Variants in SLC4A1 observed in about 807,000 individuals in gnomAD.
SLC4A1 encodes the protein band 3 anion transport protein.
Under a neutral mutation model 93.1 loss-of-function variants are expected in SLC4A1, and 29 were observed. The observed-to-expected ratio is 0.31, with a 90% CI of 0.23 to 0.42. The LOEUF is 0.42. Ranked by LOEUF, SLC4A1 falls within the 20% of genes least tolerant of loss-of-function variation. The pLI, the probability that SLC4A1 is intolerant of heterozygous loss-of-function variation, is 1.00. For synonymous variants in SLC4A1, 469 were observed against 497.2 expected, an observed-to-expected ratio of 0.94 and a Z score of 0.76; for missense variants, 965 against 1,190.1, an observed-to-expected ratio of 0.81 and a Z score of 2.78.
At position 44,250,526 on chromosome 17, in the gene SLC4A1, C is replaced by T; in HGVS notation, c.2668G>A (p.Asp890Asn). ...NVELQCLDAD[D>N]AKATFDEEEG... ...TCCTCATCAAAGGTTGCCTTGGCAT[C>T]ATCAGCATCCAGCTGGAGGGGAGGG... Residue 890 changes from aspartate (D) to asparagine (N), a missense_variant, in exon 20 of 20, where the codon GAT becomes AAT. Asp to Asn is a conservative substitution (Grantham distance 23, BLOSUM62 1). This residue lies in a region of SLC4A1 where 770 missense variants were observed against 1,006.6 expected (regional missense o/e 0.76). Transcript: ENST00000262418. 1 of 1,613,784 alleles carries T rather than the reference C, an allele frequency of 6.2e-7. No individual in the cohort carries two copies. The highest frequency in any genetic ancestry group is 8.5e-7 in the Non-Finnish European group (1 of 1,179,852).
In SLC4A1 at chr17:44,255,257, T is replaced by C; in HGVS notation, c.1840A>G (p.Ile614Val). The C allele has an allele frequency of 2.6e-6, 4 of 1,554,802 alleles. No individual in the cohort carries two copies. Among genetic ancestry groups the C allele is most frequent in the Non-Finnish European group, 3.5e-6 (4 of 1,149,352 alleles). ...AAATCCACCAGGACCATGATCAGGA[T>C]GGAGATGGGGACCCCGAAGTCCCCG... ...VIGDFGVPISILIMVLVDFFI... is the reference protein window; with the variant it reads ...VIGDFGVPISVLIMVLVDFFI... Residue 614 changes from isoleucine (I) to valine (V), a missense_variant, in exon 15 of 20, where the codon ATC (isoleucine) becomes GTC (valine). Transcript: ENST00000262418.
chr17:44,267,276 G>A (rs769875367), intron 1 of SLC4A1, among the ~76,000 whole-genome samples: 4 of 152,126 alleles, frequency 2.6e-5, no homozygotes, highest in Non-Finnish European at 2.9e-5. Context: ...ATTTACTAAC[G>A]GCGTGTGACT....
intron 6 of SLC4A1, 23 bp downstream of exon 6, chr17:44,260,381 C>T (rs770561673): frequency 6.2e-7 from 1 of 1,605,456 alleles, no homozygotes; most frequent in Middle Eastern, 1.7e-4. Context: ...ATATGGAATC[C>T]AGGCCCTGGC....
rs199568981 is a variant in SLC4A1 at position 44,259,381 on chromosome 17, G to T, written c.695-37C>A. On this transcript the variant is annotated intron_variant, in intron 8 of 19. Transcript: ENST00000262418. ...TGAGAAGATCAGGCCAGGCCGAGGA[G>T]CCCAGGGTGGGTGTGCTGAAGAGAT... The T allele has an allele frequency of 6.4e-4, 1,038 of 1,611,902 alleles. 2 individuals carry two copies. Among genetic ancestry groups the T allele is most frequent in the Non-Finnish European group, 3.0e-4 (356 of 1,178,674 alleles).
chr17:44,255,210 G>T lies in SLC4A1; in HGVS notation c.1887C>A (p.Thr629=). ...LVDFFIQDTY[T]QKLSVPDGFK... ...GAGGGCTGGGAGGAGGGGTCACCTG[G>T]GTGTAGGTATCCTGAATGAAGAAAT... Residue 629 remains threonine, a synonymous_variant, in exon 15 of 20, where the codon ACC becomes ACA. Transcript: ENST00000262418. 6.4e-7 allele frequency: 1 copy of T among 1,553,850 alleles called. No homozygotes were observed. Among genetic ancestry groups the T allele is most frequent in the East Asian group, 2.4e-5 (1 of 41,854 alleles).
intron 4 of SLC4A1, 105 bp downstream of exon 4, chr17:44,261,470 C>T (rs1166578662): frequency 6.3e-7 from 1 of 1,581,430 alleles, no homozygotes; most frequent in African/African-American, 1.3e-5. Flanking sequence ...TGCAGGGTCT[C>T]CCCCAGCCTG....
chr17:44,251,167 G>T lies in SLC4A1; in HGVS notation c.2647C>A (p.Leu883Ile), dbSNP rs2047335188. 1.9e-6 allele frequency: 3 copies of T among 1,602,012 alleles called. 1 individual carries two copies. The highest frequency in any genetic ancestry group is 1.3e-5 in the African/African-American group (1 of 74,712). Residue 883 changes from leucine to isoleucine, a missense_variant, in exon 19 of 20, where the codon CTT becomes ATT. Physicochemically the swap from Leu to Ile is conservative, Grantham distance 5. Around this residue, in one of 2 missense-constraint regions of SLC4A1, gnomAD observed 770 missense variants for 1,006.6 expected, o/e 0.76. Transcript: ENST00000262418. ...CCCAGGCAGCCACTCACACACTGAA[G>T]CTCCACGTTCCTGAAGATGAGCGGC... is the stretch of plus-strand genomic sequence containing the variant. ...LLPLIFRNVE[L>I]QCLDADDAKA...
Position 44,258,733 on chromosome 17 carries a change from A to G in SLC4A1, c.877-110T>C. ...AGAACCCCCTCAGGCAGCAGCTCCC[A>G]TTGCCAGGAACTGCTTTTCCTGCCC... On this transcript the variant is annotated intron_variant, in intron 9 of 19. Coordinates refer to ENST00000262418, the MANE Select transcript of SLC4A1 (RefSeq NM_000342.4). This position sits in a 1 kb window ranked among gnomAD's most constrained non-coding sequence, Gnocchi z 6.1. 9.3e-7 allele frequency: 1 copy of G among 1,070,548 alleles called. No homozygotes were observed. Among genetic ancestry groups the G allele is most frequent in the Non-Finnish European group, 1.4e-6 (1 of 714,072 alleles). 66.3% of individuals were successfully genotyped at this position (1,070,548 alleles called of 1,614,324 possible). A position where few individuals can be genotyped will look rare whatever the true frequency, so the allele number is the denominator to read the frequency against.
intron 16 of SLC4A1, 28 bp downstream of exon 16, chr17:44,254,468 C>A: frequency 6.7e-7 from 1 of 1,490,352 alleles, no homozygotes; most frequent in South Asian, 1.1e-5. Context: ...CCCACCCTCC[C>A]AGGCCCAGCC....
chr17:44,251,415 G>A lies in SLC4A1; in HGVS notation c.2481+4C>T, dbSNP rs1362677322. 1.2e-6 allele frequency: 2 copies of A among 1,614,134 alleles called. No individual in the cohort carries two copies. The highest frequency in any genetic ancestry group is 1.7e-6 in the Non-Finnish European group (2 of 1,180,044). On this transcript the variant is annotated splice_donor_region_variant and intron_variant, in intron 18 of 19. Transcript: ENST00000262418. ...GGCTGGGCAGCCAGAAAAGGGTCCTGTACCCGCTTGACGTAGGGCACATCT... is the reference window on the plus strand; with the variant it reads ...GGCTGGGCAGCCAGAAAAGGGTCCTATACCCGCTTGACGTAGGGCACATCT...
rs1358464453 is a variant in SLC4A1, at chr17:44,256,841, A to C, written c.1626+509T>G. Reference sequence around the variant, plus strand: ...AACACAGCTGCACAGTCCTGTGTGCAGATGTGTGACTACACAGACATAGAC... The same window carrying C: ...AACACAGCTGCACAGTCCTGTGTGCCGATGTGTGACTACACAGACATAGAC... On this transcript the variant is annotated intron_variant, in intron 13 of 19. Coordinates refer to ENST00000262418, the MANE Select transcript of SLC4A1 (RefSeq NM_000342.4). 3.3e-5 allele frequency among the ~76,000 whole-genome samples: 5 copies of C among 152,372 alleles called. No homozygotes were observed. In the East Asian group the frequency reaches 9.6e-4, roughly 29 times the overall value.
chr17:44,250,408 AG>A lies in SLC4A1; in HGVS notation c.*49del. On this transcript the variant is annotated 3_prime_UTR_variant, in exon 20 of 20. Coordinates refer to ENST00000262418, the MANE Select transcript of SLC4A1 (RefSeq NM_000342.4). ...CCATGAACTTCTGCTTTTCCTTGGAAGGTGGGGATGTGGAATGGTGGGGGAG... is the reference window on the plus strand; with the variant it reads ...CCATGAACTTCTGCTTTTCCTTGGAAGTGGGGATGTGGAATGGTGGGGGAG... 1 of 1,441,336 alleles carries A rather than the reference AG, an allele frequency of 6.9e-7. No individual in the cohort carries two copies. Among genetic ancestry groups the A allele is most frequent in the Non-Finnish European group, 9.8e-7 (1 of 1,023,596 alleles). 89.3% of individuals were successfully genotyped at this position (1,441,336 alleles called of 1,614,324 possible). A position where few individuals can be genotyped will look rare whatever the true frequency, so the allele number is the denominator to read the frequency against.
intron 1 of SLC4A1, among the ~76,000 whole-genome samples, chr17:44,265,043 G>C (rs76775716): frequency 8.5e-6 from 1 of 117,112 alleles, no homozygotes; most frequent in Admixed American, 8.1e-5. Flanking sequence ...GGCTGTGGGA[G>C]GGGGTGCCGA....
chr17:44,256,098 C>T (rs2047386849), intron 13 of SLC4A1, among the ~76,000 whole-genome samples: 1 of 152,126 alleles, frequency 6.6e-6, no homozygotes, highest in Non-Finnish European at 1.5e-5. Context: ...CCCATTTATC[C>T]ATCCATTCAT....
rs949394005 is a variant in SLC4A1, at chr17:44,250,087, G to A, written c.*371C>T. The A allele has an allele frequency of 3.2e-5, 10 of 317,284 alleles. No homozygotes were observed. Among genetic ancestry groups the A allele is most frequent in the African/African-American group, 1.9e-4 (9 of 47,138 alleles). 19.7% of individuals were successfully genotyped at this position (317,284 alleles called of 1,614,324 possible). A position where few individuals can be genotyped will look rare whatever the true frequency, so the allele number is the denominator to read the frequency against. On this transcript the variant is annotated 3_prime_UTR_variant, in exon 20 of 20. Transcript: ENST00000262418. ...GGAAAGGTCAAGGGACTTGCCCAAG[G>A]TCACACAGCAAGCACCCCACCCGCT...
Position 44,259,169 on chromosome 17 carries a change from T to C in SLC4A1, c.870A>G (p.Ser290=), listed in dbSNP as rs1431100864. The C allele has an allele frequency of 1.2e-6, 2 of 1,613,922 alleles. No individual in the cohort carries two copies. Among genetic ancestry groups the C allele is most frequent in the South Asian group, 1.1e-5 (1 of 91,078 alleles). ...QLGRAAATLM[S]ERVFRIDAYM... is the part of the protein sequence containing the mutation. ...CTCTCCGGCCCTTCCTTACCCTCTCTGACATGAGGGTGGCAGCAGCCCGGC... is the reference window on the plus strand; with the variant it reads ...CTCTCCGGCCCTTCCTTACCCTCTCCGACATGAGGGTGGCAGCAGCCCGGC... Residue 290 remains serine (S), a synonymous_variant, in exon 9 of 20, where the codon TCA becomes TCG. Transcript: ENST00000262418.
In SLC4A1 at chr17:44,249,834, C is replaced by T. The variant is rs988105334; in HGVS notation, c.*624G>A. On this transcript the variant is annotated 3_prime_UTR_variant, in exon 20 of 20. Coordinates refer to ENST00000262418, the MANE Select transcript of SLC4A1 (RefSeq NM_000342.4). Reference sequence around the variant, plus strand: ...CGCATGACTGACAGAGGACAGAGCTCGGACCTTGAAATCAGAAGGCCTGGT... The same window carrying T: ...CGCATGACTGACAGAGGACAGAGCTTGGACCTTGAAATCAGAAGGCCTGGT... The T allele has an allele frequency of 6.4e-6, 1 of 156,706 alleles. No individual in the cohort carries two copies. The highest frequency in any genetic ancestry group is 1.9e-4 in the East Asian group (1 of 5,278). 9.7% of individuals were successfully genotyped at this position (156,706 alleles called of 1,614,324 possible).
At chr17:44,267,631 G>A (rs1242078821) in intron 1 of SLC4A1, among the ~76,000 whole-genome samples, 2 of 152,186 alleles carry the variant, frequency 1.3e-5, no homozygotes, top group East Asian at 1.9e-4. Flanking sequence ...TAGACCCCTG[G>A]AAGTGTCCCA....
chr17:44,265,095 TG>T (rs1446401133), intron 1 of SLC4A1, among the ~76,000 whole-genome samples: 1 of 6,174 alleles, frequency 1.6e-4, no homozygotes, highest in East Asian at 4.4e-3. Flanking sequence ...CACTGGGGGC[TG>T]GTGGGAGGGG....
Sources: allele counts gnomAD v4.1 joint callset (sites outside exome capture counted in the v4.1 genomes callset), GRCh38; gene constraint gnomAD v4.1.1; regional missense constraint gnomAD v4.1.1; non-coding constraint Gnocchi (gnomAD v3.1); transcripts MANE v1.5; gene names NCBI Gene and HGNC (gene_info 2026-07-23, HGNC 2026-07-21).